TCF12: variants seen among roughly 807,000 people sequenced by gnomAD.
TCF12 encodes the protein DNA-binding protein HTF4.
TCF12 carries 45 observed loss-of-function variants against 86.0 expected under a neutral mutation model. That is an observed-to-expected ratio of 0.52 (90% CI 0.41 to 0.67). The LOEUF is 0.67. Ranked by LOEUF, TCF12 falls within the 30% of genes least tolerant of loss-of-function variation. TCF12 has a pLI of 0.00. For synonymous variants in TCF12, 330 were observed against 299.6 expected, an observed-to-expected ratio of 1.10 and a Z score of -1.05; for missense variants, 881 against 859.9, an observed-to-expected ratio of 1.02 and a Z score of -0.31.
At chr15:57,251,321 G>C in intron 13 of TCF12, 29 bp from the exon 14 acceptor site, 1 of 1,597,524 alleles carries the variant, frequency 6.3e-7, no homozygotes, top group Non-Finnish European at 8.6e-7. Flanking sequence ...AGTTAACCCA[G>C]GTGTGTGGCT....
intron 4 of TCF12, among the ~76,000 whole-genome samples, chr15:57,074,628 C>A (rs2069725686): frequency 6.6e-6 from 1 of 152,162 alleles, no homozygotes; most frequent in African/African-American, 2.4e-5. Flanking sequence ...CCACCTTAGC[C>A]TCCTGATTAG....
intron 3 of TCF12, among the ~76,000 whole-genome samples, chr15:57,057,339 G>A (rs1252061577): frequency 6.6e-6 from 1 of 152,150 alleles, no homozygotes; most frequent in African/African-American, 2.4e-5. Flanking sequence ...AAAGACAATG[G>A]GGTTTCTGTT....
chr15:57,091,841 G>A lies in TCF12; in HGVS notation c.275G>A (p.Gly92Glu), dbSNP rs1431436611. Residue 92 changes from glycine (G) to glutamate (E), a missense_variant, in exon 5 of 21, where the codon GGA becomes GAA. Around this residue, in one of 3 missense-constraint regions of TCF12, gnomAD observed 766 missense variants for 718.9 expected, o/e 1.07. Transcript: ENST00000333725. ...GATCACTTGAATGACAGTCGATTAG[G>A]AGCCCATGAAGGCTTGTCCCCAACA... is the stretch of plus-strand genomic sequence containing the variant. The part of the protein sequence containing the change: ...YSDHLNDSRL[G>E]AHEGLSPTPF... 1 of 1,613,846 alleles carries A rather than the reference G, an allele frequency of 6.2e-7. No homozygotes were observed. Among genetic ancestry groups the A allele is most frequent in the Admixed American group, 1.7e-5 (1 of 59,996 alleles).
intron 4 of TCF12, among the ~76,000 whole-genome samples, chr15:57,079,419 G>A (rs574092460): frequency 6.6e-6 from 1 of 152,198 alleles, no homozygotes; most frequent in South Asian, 2.1e-4. Context: ...AGAATTGCTG[G>A]CACTTCCACA....
intron 3 of TCF12, among the ~76,000 whole-genome samples, chr15:56,966,472 G>A (rs2140660526): frequency 6.6e-6 from 1 of 152,308 alleles, no homozygotes; most frequent in South Asian, 2.1e-4. Flanking sequence ...ATCAGAGATT[G>A]TGTTGATATA....
intron 6 of TCF12, 101 bp downstream of exon 6, chr15:57,166,567 CTGTT>C (rs1567550091): frequency 8.5e-6 from 9 of 1,058,972 alleles, no homozygotes; most frequent in African/African-American, 6.5e-5. Context: ...TATTTCACTA[CTGTT>C]TGTTTAATTT....
At chr15:57,179,843 A>G (rs139206641) in intron 6 of TCF12, among the ~76,000 whole-genome samples, 109 of 152,020 alleles carry the variant, frequency 7.2e-4, no homozygotes, top group African/African-American at 2.6e-3. Context: ...GTTCATAATG[A>G]CTTGGAACTA....
At chr15:57,051,147 TG>T (rs1450243108) in intron 3 of TCF12, among the ~76,000 whole-genome samples, 1 of 151,190 alleles carries the variant, frequency 6.6e-6, no homozygotes, top group African/African-American at 2.4e-5. Context: ...AATTATTGGT[TG>T]ATTATCTTGA....
intron 6 of TCF12, among the ~76,000 whole-genome samples, chr15:57,167,060 G>A (rs2054950755): frequency 6.6e-6 from 1 of 152,152 alleles, no homozygotes; most frequent in African/African-American, 2.4e-5. Context: ...AAAAAGAATA[G>A]AAAGGAAAGG....
At chr15:57,252,384 C>G (rs1359138628) in intron 14 of TCF12, 37 bp from the exon 15 acceptor site, 1 of 1,560,066 alleles carries the variant, frequency 6.4e-7, no homozygotes, top group Admixed American at 1.7e-5. Flanking sequence ...TAATCTTAAC[C>G]TGTGCTTTGC....
At chr15:56,922,621 A>G (rs2059842801) in intron 3 of TCF12, among the ~76,000 whole-genome samples, 1 of 152,062 alleles carries the variant, frequency 6.6e-6, no homozygotes, top group Non-Finnish European at 1.5e-5. Context: ...TATTTGGAGT[A>G]GGAACTTTTA....
intron 3 of TCF12, among the ~76,000 whole-genome samples, chr15:57,001,191 A>G (rs1238195851): frequency 1.3e-5 from 2 of 151,248 alleles, no homozygotes; most frequent in African/African-American, 4.9e-5. Flanking sequence ...TAATTTTTGT[A>G]TTTTCAGTAG....
rs368258078 is a variant in TCF12, at chr15:57,219,972, C to T, written c.580-11180C>T. On this transcript the variant is annotated intron_variant, in intron 8 of 20. Transcript: ENST00000333725. ...AACTCCTGACCTCAGGTGATCCACC[C>T]GCCTCGGCCTCCCAAAATGCTGGAA... Among the ~76,000 whole-genome samples, 138 of 152,126 alleles carry T rather than the reference C, an allele frequency of 9.1e-4. 4 individuals are homozygous for T. The highest frequency in any genetic ancestry group is 2.8e-3 in the African/African-American group (118 of 41,502).
chr15:57,154,650 G>A (rs1170992334), intron 5 of TCF12, among the ~76,000 whole-genome samples: 2 of 151,914 alleles, frequency 1.3e-5, no homozygotes, highest in African/African-American at 2.4e-5. Context: ...AACAGATTAT[G>A]GCTATGTATA....
At chr15:57,239,338 C>T (rs1358188231) in intron 12 of TCF12, among the ~76,000 whole-genome samples, 2 of 151,440 alleles carry the variant, frequency 1.3e-5, no homozygotes, top group Non-Finnish European at 2.9e-5. Flanking sequence ...GCAACAAGAG[C>T]GAAAGTCCAT....
intron 4 of TCF12, among the ~76,000 whole-genome samples, chr15:57,090,902 A>G (rs17239208): frequency 0.04 from 6,144 of 152,282 alleles, 373 homozygotes; most frequent in Admixed American, 0.17. Context: ...GTACTTAAAG[A>G]GTGCGTAAAA....
rs376081471 is a variant in TCF12, at chr15:57,281,918, A to T, written c.1979-527A>T. ...TGCCCCCTTCCCCCCAGCCCCCCGC[A>T]CCCAGTTCATGGAAAAATTGTCTTC... On this transcript the variant is annotated intron_variant, in intron 19 of 20. Transcript: ENST00000333725. 2.8e-3 allele frequency: 472 copies of T among 169,548 alleles called. 3 individuals are homozygous for T. Among genetic ancestry groups the T allele is most frequent in the African/African-American group, 0.011 (453 of 41,462 alleles). The allele number at this position is 169,548 out of a possible 1,614,324, so 10.5% of individuals were successfully genotyped here. A position where few individuals can be genotyped will look rare whatever the true frequency, so the allele number is the denominator to read the frequency against.
chr15:56,938,601 C>T (rs1482167672), intron 3 of TCF12, among the ~76,000 whole-genome samples: 3 of 149,004 alleles, frequency 2.0e-5, no homozygotes, highest in Non-Finnish European at 3.0e-5. Flanking sequence ...CTTCTTTGAA[C>T]GTCTGTTAGA....
chr15:57,208,273 C>T (rs1395965207), intron 8 of TCF12, among the ~76,000 whole-genome samples: 1 of 151,744 alleles, frequency 6.6e-6, no homozygotes. Context: ...ACCTCGTGAT[C>T]CACCCGCCTC....
Sources: allele counts gnomAD v4.1 joint callset (sites outside exome capture counted in the v4.1 genomes callset), GRCh38; gene constraint gnomAD v4.1.1; regional missense constraint gnomAD v4.1.1; transcripts MANE v1.5; gene names NCBI Gene and HGNC (gene_info 2026-07-23, HGNC 2026-07-21).